Variants in PLA2R1 observed in about 807,000 individuals in gnomAD.
The protein encoded by PLA2R1 is phospholipase A2 receptor 1.
Under a neutral mutation model 195.9 loss-of-function variants are expected in PLA2R1, and 158 were observed. The ratio of observed to expected loss-of-function variants is 0.81; its 90% CI spans 0.71 to 0.92. The LOEUF (loss-of-function observed/expected upper bound fraction) is 0.92. Ranked by LOEUF, PLA2R1 falls within the 40% of genes least tolerant of loss-of-function variation. PLA2R1 has a pLI of 0.00. For missense variants in PLA2R1, 1,626 were observed against 1,764.6 expected, an observed-to-expected ratio of 0.92 and a Z score of 1.41; for synonymous variants, 586 against 598.2, an observed-to-expected ratio of 0.98 and a Z score of 0.30.
intron 23 of PLA2R1, among the ~76,000 whole-genome samples, chr2:159,952,733 A>G (rs1687825147): frequency 2.0e-5 from 3 of 152,184 alleles, no homozygotes; most frequent in Admixed American, 6.5e-5. Context: ...CACAAGGCAC[A>G]CACTATTGTA....
Position 159,967,685 on chromosome 2 carries a change from G to C in PLA2R1, c.2765-7C>G, listed in dbSNP as rs1374588417. The C allele has an allele frequency of 6.2e-7, 1 of 1,611,654 alleles. No individual in the cohort carries two copies. ...TCTTCACTACCCCAGAGTCCTGGAG[G>C]AGAAAATGGGTTAGAAATGGCTTAG... On this transcript the variant is annotated splice_polypyrimidine_tract_variant and splice_region_variant and intron_variant, in intron 19 of 29. Coordinates refer to ENST00000283243, the MANE Select transcript of PLA2R1 (RefSeq NM_007366.5).
Position 159,955,791 on chromosome 2 carries a change from A to G in PLA2R1, c.3060T>C (p.Ser1020=). 4 of 1,598,298 alleles carry G rather than the reference A, an allele frequency of 2.5e-6. No individual in the cohort carries two copies. The highest frequency in any genetic ancestry group is 3.4e-6 in the Non-Finnish European group (4 of 1,169,134). The change falls in exon 22 of 30, where the codon AGT becomes AGC. Residue 1020 remains serine (S), a synonymous_variant. Coordinates refer to ENST00000283243, the MANE Select transcript of PLA2R1 (RefSeq NM_007366.5). ...ITMNLFGQTT[S]VWIGLQNDDY... ...CATCATTTTGTAAACCTATCCACAC[A>G]CTGGTGGTCTGGCCAAAAAGATTCA...
intron 4 of PLA2R1, among the ~76,000 whole-genome samples, 182 bp from the exon 5 acceptor site, chr2:160,029,145 G>T (rs1025816640): frequency 6.6e-6 from 1 of 152,182 alleles, no homozygotes; most frequent in Admixed American, 6.5e-5. Context: ...AACAGAGCAG[G>T]CTCACTGACA....
chr2:160,004,188 T>A (rs529803121), intron 11 of PLA2R1, among the ~76,000 whole-genome samples: 2 of 152,330 alleles, frequency 1.3e-5, no homozygotes, highest in Admixed American at 1.3e-4. Context: ...AGCATCTACA[T>A]AATTTACCAT....
chr2:160,015,210 T>C (rs184883493), intron 9 of PLA2R1, among the ~76,000 whole-genome samples: 47 of 152,302 alleles, frequency 3.1e-4, no homozygotes, highest in Non-Finnish European at 6.3e-4. Flanking sequence ...ACTGAAGGAA[T>C]TGCTCATATT....
chr2:159,935,453 C>A lies in PLA2R1; in HGVS notation c.*6325G>T, dbSNP rs1475215489. ...GAACTGTTTCTTCTTTTCATTCATTCATTCACTCATTCAATTGTTTACATC... is the reference window on the plus strand; with the variant it reads ...GAACTGTTTCTTCTTTTCATTCATTAATTCACTCATTCAATTGTTTACATC... On this transcript the variant is annotated 3_prime_UTR_variant, in exon 30 of 30. Coordinates refer to ENST00000283243, the MANE Select transcript of PLA2R1 (RefSeq NM_007366.5). 6.6e-6 allele frequency: 1 copy of A among 152,188 alleles called. No individual in the cohort carries two copies. Among genetic ancestry groups the A allele is most frequent in the Non-Finnish European group, 1.5e-5 (1 of 68,032 alleles). 9.4% of individuals were successfully genotyped at this position (152,188 alleles called of 1,614,324 possible). A position where few individuals can be genotyped will look rare whatever the true frequency, so the allele number is the denominator to read the frequency against.
chr2:159,926,361 T>C, the PLA2R1 span, among the ~76,000 whole-genome samples: 2 of 152,084 alleles, frequency 1.3e-5, no homozygotes, highest in African/African-American at 4.8e-5. Flanking sequence ...TACAGTTGTG[T>C]TCAGTCATGA....
intron 20 of PLA2R1, among the ~76,000 whole-genome samples, chr2:159,961,401 A>C (rs911698414): frequency 6.6e-6 from 1 of 152,210 alleles, no homozygotes; most frequent in Non-Finnish European, 1.5e-5. Context: ...GCTTTAAAAA[A>C]ATACGGATGC....
rs1686902726 is a variant in PLA2R1, at chr2:159,937,789, C to G, written c.*3989G>C. On this transcript the variant is annotated 3_prime_UTR_variant, in exon 30 of 30. Transcript: ENST00000283243. ...GGGGCAAAATAACTCATTTCTAAGT[C>G]ATCGCTTCAACTTTAACAGAAAAAT... 6.6e-6 allele frequency: 1 copy of G among 152,168 alleles called. No homozygotes were observed. Among genetic ancestry groups the G allele is most frequent in the Non-Finnish European group, 1.5e-5 (1 of 68,016 alleles). The allele number at this position is 152,168 out of a possible 1,614,324, so 9.4% of individuals were successfully genotyped here.
intron 1 of PLA2R1, among the ~76,000 whole-genome samples, chr2:160,048,909 C>G (rs1241933264): frequency 1.4e-5 from 2 of 144,576 alleles, no homozygotes; most frequent in Admixed American, 7.0e-5. Context: ...GGCGGGATCT[C>G]GGCTCACTGC....
intron 20 of PLA2R1, among the ~76,000 whole-genome samples, chr2:159,963,768 C>T (rs1392469786): frequency 2.6e-5 from 4 of 152,108 alleles, no homozygotes; most frequent in Admixed American, 6.6e-5. Flanking sequence ...CCCTCACACA[C>T]GGCTAGCAGG....
At chr2:159,957,520 A>C (rs1441292108) in intron 20 of PLA2R1, among the ~76,000 whole-genome samples, 2 of 151,890 alleles carry the variant, frequency 1.3e-5, no homozygotes, top group Non-Finnish European at 2.9e-5. Flanking sequence ...ATGCCTGGCT[A>C]ATTTTTGTAT....
At chr2:160,056,733 A>G (rs1695571747) in intron 1 of PLA2R1, among the ~76,000 whole-genome samples, 1 of 152,164 alleles carries the variant, frequency 6.6e-6, no homozygotes, top group Non-Finnish European at 1.5e-5. Context: ...ACCCTCTTCA[A>G]GGTGATAGGA....
chr2:159,985,916 T>G (rs55673610), intron 12 of PLA2R1, among the ~76,000 whole-genome samples: 4,272 of 152,168 alleles, frequency 0.028, 181 homozygotes, highest in African/African-American at 0.092. Flanking sequence ...GGAACTGTCC[T>G]TATCCCTCCT....
the PLA2R1 span, among the ~76,000 whole-genome samples, chr2:159,926,493 T>C: frequency 2.0e-5 from 3 of 152,190 alleles, no homozygotes; most frequent in Non-Finnish European, 2.9e-5. Context: ...CTAGTAGGGC[T>C]GAACATGTGT....
chr2:160,013,701 C>CTGTG (rs1553462074), intron 9 of PLA2R1, among the ~76,000 whole-genome samples: 6 of 131,270 alleles, frequency 4.6e-5, no homozygotes, highest in African/African-American at 1.1e-4. Context: ...CTCTCTCTCT[C>CTGTG]TGTCTCTCTC....
intron 28 of PLA2R1, among the ~76,000 whole-genome samples, chr2:159,943,704 T>C (rs1313061769): frequency 1.3e-5 from 2 of 152,240 alleles, no homozygotes; most frequent in African/African-American, 4.8e-5. Flanking sequence ...TAGGAAACTT[T>C]AAAGTCCTGT....
At position 159,955,296 on chromosome 2, in the gene PLA2R1, G is replaced by T. The variant is rs1457623369; in HGVS notation, c.3204C>A (p.Ala1068=). ...TEVQKHIPLC[A]LLSSNPNFHF... ...GAAAATTAGGATTACTTGAGAGTAA[G>T]GCACAGAGAGGAATGTGTTTCTGAA... Residue 1068 remains alanine (A), a synonymous_variant, in exon 23 of 30, where the codon GCC becomes GCA. Coordinates refer to ENST00000283243, the MANE Select transcript of PLA2R1 (RefSeq NM_007366.5). 6.2e-7 allele frequency: 1 copy of T among 1,603,628 alleles called. No individual in the cohort carries two copies. The highest frequency in any genetic ancestry group is 1.7e-5 in the Admixed American group (1 of 59,664).
chr2:159,949,436 C>G (rs772814391), intron 25 of PLA2R1, among the ~76,000 whole-genome samples, 172 bp downstream of exon 25: 6 of 152,110 alleles, frequency 3.9e-5, no homozygotes, highest in Non-Finnish European at 7.4e-5. Context: ...CATTTGCTAC[C>G]TCTCTTATAT....
Sources: gnomAD v4.1 joint callset for allele counts (sites outside exome capture counted in the v4.1 genomes callset) on GRCh38, gnomAD v4.1.1 for gene constraint, MANE v1.5 for transcripts, NCBI Gene and HGNC (gene_info 2026-07-23, HGNC 2026-07-21) for gene names.